The following FRRS1 variants were observed in gnomAD, a reference collection of about 807,000 sequenced individuals.
FRRS1 encodes the protein ferric reductase 1.
In FRRS1, 51 loss-of-function variants were observed where a neutral mutation model predicts 70.7. That is an observed-to-expected ratio of 0.72 (90% confidence interval 0.58 to 0.91). The LOEUF (loss-of-function observed/expected upper bound fraction) is 0.91. FRRS1 is among the 40% of genes least tolerant of loss of function. The pLI, the probability that FRRS1 is intolerant of heterozygous loss-of-function variation, is 0.00. For synonymous variants in FRRS1, 225 were observed against 238.7 expected (o/e 0.94, Z 0.53); for missense variants, 672 against 726.0 (o/e 0.93, Z 0.86).
At chr1:99,731,168 T>G (rs1281167825) in intron 7 of FRRS1, among the ~76,000 whole-genome samples, 1 of 152,234 alleles carries the variant, frequency 6.6e-6, no homozygotes, top group Non-Finnish European at 1.5e-5. Flanking sequence ...ATTTAAACAA[T>G]GGCACAAAGG....
At chr1:99,747,495 T>G in intron 3 of FRRS1, 65 bp from the exon 4 acceptor site, 2 of 1,469,816 alleles carry the variant, frequency 1.4e-6, no homozygotes, top group African/African-American at 1.4e-5. Context: ...GTTTAGAGGT[T>G]GTACATTACA....
intron 1 of FRRS1, among the ~76,000 whole-genome samples, chr1:99,760,481 G>A (rs1657061934): frequency 6.6e-6 from 1 of 152,056 alleles, no homozygotes; most frequent in Admixed American, 6.6e-5. Context: ...AGATAAAAAT[G>A]TTTCAGACTC....
At chr1:99,764,972 G>A (rs1284293248) in intron 1 of FRRS1, among the ~76,000 whole-genome samples, 1 of 152,056 alleles carries the variant, frequency 6.6e-6, no homozygotes, top group Non-Finnish European at 1.5e-5. Flanking sequence ...CTTGTCTTTT[G>A]GTAAACCTCT....
In FRRS1 at chr1:99,729,675, C is replaced by A; in HGVS notation, c.833G>T (p.Arg278Leu). ...CCTGGAGTCCATTACAGGGTGACTT[C>A]GCCCCGTTAAATGGGAAGGCTGGAT... ...VYIQPSHLTG[R>L]SHPVMDSRDT... The change falls in exon 8 of 17, where the codon CGA becomes CTA. Residue 278 changes from arginine (R) to leucine (L), a missense_variant. Arg to Leu is a moderately radical substitution (Grantham distance 102). Coordinates refer to ENST00000646001, the MANE Select transcript of FRRS1 (RefSeq NM_001361041.2). 6.2e-7 allele frequency: 1 copy of A among 1,612,708 alleles called. No homozygotes were observed. Among genetic ancestry groups the A allele is most frequent in the Non-Finnish European group, 8.5e-7 (1 of 1,178,862 alleles).
chr1:99,743,579 A>C (rs34895516), intron 4 of FRRS1, among the ~76,000 whole-genome samples: 2 of 152,232 alleles, frequency 1.3e-5, no homozygotes, highest in Admixed American at 6.5e-5. Context: ...ATTTATCAAA[A>C]CATACATACA....
chr1:99,715,958 A>G (rs1427662933), intron 11 of FRRS1, among the ~76,000 whole-genome samples: 4 of 152,192 alleles, frequency 2.6e-5, no homozygotes, highest in African/African-American at 7.2e-5. Context: ...CACAGAGCAT[A>G]TTTACTTGCC....
intron 4 of FRRS1, among the ~76,000 whole-genome samples, chr1:99,744,727 G>C (rs1456285266): frequency 2.6e-5 from 4 of 151,862 alleles, no homozygotes; most frequent in African/African-American, 7.2e-5. Flanking sequence ...CGGAGGCTGC[G>C]GTGAGCCAAG....
At chr1:99,759,345 A>AG (rs1657008326) in intron 1 of FRRS1, among the ~76,000 whole-genome samples, 1 of 152,152 alleles carries the variant, frequency 6.6e-6, no homozygotes. Flanking sequence ...TTTATTTCTC[A>AG]GCCAGCTGAC....
intron 9 of FRRS1, among the ~76,000 whole-genome samples, chr1:99,726,588 T>C (rs752021944): frequency 3.3e-5 from 5 of 152,214 alleles, no homozygotes; most frequent in Non-Finnish European, 7.3e-5. Context: ...ACATGTAATA[T>C]GCAACAAGTG....
In FRRS1 at chr1:99,712,454, A is replaced by C. The variant is rs1300825479; in HGVS notation, c.1385T>G (p.Leu462Arg). The C allele has an allele frequency of 6.2e-7, 1 of 1,613,556 alleles. No homozygotes were observed. ...TAAAGGTGGCCTGAAGACTGCCAGA[A>C]GAGGCTGAAGAACTGCCAAAGTCAT... ...IVMTLAVLQP[L>R]LAVFRPPLHD... Residue 462 changes from leucine to arginine, a missense_variant, in exon 13 of 17, where the codon CTT (leucine) becomes CGT (arginine). Transcript: ENST00000646001.
intron 1 of FRRS1, among the ~76,000 whole-genome samples, chr1:99,764,966 T>A (rs1276278441): frequency 6.6e-6 from 1 of 152,240 alleles, no homozygotes; most frequent in Non-Finnish European, 1.5e-5. Context: ...TGGTGACTTG[T>A]CTTTTGGTAA....
At chr1:99,726,021 C>T (rs931254636) in intron 9 of FRRS1, among the ~76,000 whole-genome samples, 5 of 152,218 alleles carry the variant, frequency 3.3e-5, no homozygotes, top group African/African-American at 1.2e-4. Flanking sequence ...TCTGTGCTCC[C>T]ACCCAAATCT....
chr1:99,732,081 T>C (rs929342037), intron 7 of FRRS1, among the ~76,000 whole-genome samples: 5 of 152,174 alleles, frequency 3.3e-5, no homozygotes, highest in Admixed American at 3.3e-4. Flanking sequence ...TGAGGCAAAC[T>C]GAGGATGAGA....
At chr1:99,748,335 C>A (rs977127338) in intron 3 of FRRS1, 2 of 360,278 alleles carry the variant, frequency 5.6e-6, no homozygotes, top group South Asian at 5.3e-5. Flanking sequence ...GAAGTGATAG[C>A]ACAATTAATA....
chr1:99,725,044 T>A (rs984419366), intron 9 of FRRS1, among the ~76,000 whole-genome samples: 1 of 152,108 alleles, frequency 6.6e-6, no homozygotes, highest in African/African-American at 2.4e-5. Context: ...AGGGCAGCGA[T>A]GGTTTTGGGA....
At chr1:99,740,997 C>G in intron 5 of FRRS1, 57 bp from the exon 6 acceptor site, 1 of 1,425,534 alleles carries the variant, frequency 7.0e-7, no homozygotes, top group Non-Finnish European at 9.7e-7. Context: ...ACAATCAGAT[C>G]AAAACGTTAA....
At chr1:99,759,134 A>C (rs1455463894) in intron 1 of FRRS1, among the ~76,000 whole-genome samples, 1 of 151,964 alleles carries the variant, frequency 6.6e-6, no homozygotes, top group Non-Finnish European at 1.5e-5. Context: ...TCTTTGTTAG[A>C]CCCTTATTAG....
chr1:99,708,350 A>G lies in FRRS1; in HGVS notation c.*678T>C, dbSNP rs966960377. 1.3e-5 allele frequency among the ~76,000 whole-genome samples: 2 copies of G among 152,010 alleles called. No homozygotes were observed. The highest frequency in any genetic ancestry group is 3.9e-4 in the East Asian group (2 of 5,190). Reference sequence around the variant, plus strand: ...CGTGGTGGCTCACGCCTGTAATCCCAGCACTTTGGGAAGCTGAGGCAGGCA... The same window carrying G: ...CGTGGTGGCTCACGCCTGTAATCCCGGCACTTTGGGAAGCTGAGGCAGGCA... On this transcript the variant is annotated 3_prime_UTR_variant, in exon 17 of 17. Coordinates refer to ENST00000646001, the MANE Select transcript of FRRS1 (RefSeq NM_001361041.2).
At position 99,719,530 on chromosome 1, in the gene FRRS1, C is replaced by A; in HGVS notation, c.1120+4G>T. 3 of 1,466,626 alleles carry A rather than the reference C, an allele frequency of 2.0e-6. No individual in the cohort carries two copies. The highest frequency in any genetic ancestry group is 2.9e-6 in the Non-Finnish European group (3 of 1,046,522). The allele number at this position is 1,466,626 out of a possible 1,614,324, so 90.9% of individuals were successfully genotyped here. ...TCCACAAAGTAGTTACACATGTAAC[C>A]TACCATGAACCTTCAGAAGGAGTAC... On this transcript the variant is annotated splice_donor_region_variant and intron_variant, in intron 10 of 16. Transcript: ENST00000646001.
Sources: gnomAD v4.1 joint callset for allele counts (sites outside exome capture counted in the v4.1 genomes callset) on GRCh38, gnomAD v4.1.1 for gene constraint, MANE v1.5 for transcripts, NCBI Gene and HGNC (gene_info 2026-07-23, HGNC 2026-07-21) for gene names.